The following USP46 variants were observed in gnomAD, a reference collection of about 807,000 sequenced individuals.
USP46 encodes ubiquitin specific peptidase 46, also known as ubiquitin carboxyl-terminal hydrolase 46.
Under a neutral mutation model 44.4 loss-of-function variants are expected in USP46, and 12 were observed. The observed-to-expected ratio is 0.27, with a 90% confidence interval of 0.17 to 0.44. USP46 has a LOEUF of 0.44. Ranked by LOEUF, USP46 falls within the 20% of genes least tolerant of loss-of-function variation. The probability of loss-of-function intolerance (pLI) is 1.00; values close to 1 mark genes in which losing one functional copy is unlikely to be tolerated. For synonymous variants in USP46, 155 were observed against 161.5 expected (o/e 0.96, Z 0.31); for missense variants, 248 against 444.8 (o/e 0.56, Z 3.98).
intron 1 of USP46, chr4:52,656,314 T>C (rs1479830761): frequency 6.4e-7 from 1 of 1,551,246 alleles, no homozygotes; most frequent in Non-Finnish European, 8.7e-7. Flanking sequence ...AATTCATTAT[T>C]GAGCAAAGAA....
In USP46 at chr4:52,597,598, T is replaced by C; in HGVS notation, c.*42A>G. On this transcript the variant is annotated 3_prime_UTR_variant, in exon 9 of 9. Transcript: ENST00000441222. Reference sequence around the variant, plus strand: ...GCGGAGAAGCCGGGTGACAGTGCTGTGAACATTCTCCCCACGTGAATCAGT... The same window carrying C: ...GCGGAGAAGCCGGGTGACAGTGCTGCGAACATTCTCCCCACGTGAATCAGT... The C allele has an allele frequency of 7.1e-7, 1 of 1,407,546 alleles. No individual in the cohort carries two copies. Among genetic ancestry groups the C allele is most frequent in the Non-Finnish European group, 9.8e-7 (1 of 1,017,404 alleles). The allele number at this position is 1,407,546 out of a possible 1,614,324, so 87.2% of individuals were successfully genotyped here. A position where few individuals can be genotyped will look rare whatever the true frequency, so the allele number is the denominator to read the frequency against.
chr4:52,633,854 G>A (rs1166116208), intron 1 of USP46, among the ~76,000 whole-genome samples: 3 of 152,196 alleles, frequency 2.0e-5, no homozygotes, highest in African/African-American at 2.4e-5. Flanking sequence ...GGCCCACTCA[G>A]GCAGGAGGCT....
chr4:52,609,530 C>T (rs941178228), intron 5 of USP46, among the ~76,000 whole-genome samples: 6 of 152,168 alleles, frequency 3.9e-5, no homozygotes, highest in African/African-American at 1.4e-4. Flanking sequence ...CATCTTTCTC[C>T]TGCACGTCCT....
At chr4:52,647,556 G>A (rs1718592442) in intron 1 of USP46, among the ~76,000 whole-genome samples, 1 of 152,198 alleles carries the variant, frequency 6.6e-6, no homozygotes, top group Non-Finnish European at 1.5e-5. Context: ...CTCATTCAAA[G>A]ACAACATATC....
In USP46 at chr4:52,659,213, T is replaced by C; in HGVS notation, c.-63A>G. On this transcript the variant is annotated 5_prime_UTR_variant, in exon 1 of 9. An upstream start codon of the reference 5' UTR is lost. Coordinates refer to ENST00000441222, the MANE Select transcript of USP46 (RefSeq NM_022832.4). This position sits in a 1 kb window ranked among gnomAD's most constrained non-coding sequence, Gnocchi z 4.2. ...TACAAGGGGAAACCGGGACTGCCCA[T>C]GGTGGCGCGCTGGCGGGGAGGCCGG... The C allele has an allele frequency of 2.8e-6, 4 of 1,419,560 alleles. No homozygotes were observed. The highest frequency in any genetic ancestry group is 2.8e-6 in the Non-Finnish European group (3 of 1,072,714). The allele number at this position is 1,419,560 out of a possible 1,614,324, so 87.9% of individuals were successfully genotyped here.
rs180957019 is a variant in USP46, at chr4:52,627,307, G to A, written c.331+643C>T. On this transcript the variant is annotated intron_variant, in intron 3 of 8. Coordinates refer to ENST00000441222, the MANE Select transcript of USP46 (RefSeq NM_022832.4). ...CATGCACGTCTGATGAAGTAAGGCTGAATCTAAGATAAATAGTAATTGCCA... is the reference window on the plus strand; with the variant it reads ...CATGCACGTCTGATGAAGTAAGGCTAAATCTAAGATAAATAGTAATTGCCA... Among the ~76,000 whole-genome samples the A allele has an allele frequency of 1.4e-3, 208 of 152,278 alleles. 5 individuals carry two copies. The East Asian group carries it at 0.038, about 28-fold the overall frequency.
chr4:52,637,242 T>C (rs75021976), intron 1 of USP46, among the ~76,000 whole-genome samples: 6,766 of 152,228 alleles, frequency 0.044, 203 homozygotes, highest in Non-Finnish European at 0.068. Flanking sequence ...CACTTTTAGG[T>C]GGCTGGCTTT....
At chr4:52,636,352 G>A (rs141366995) in intron 1 of USP46, among the ~76,000 whole-genome samples, 13 of 152,094 alleles carry the variant, frequency 8.5e-5, no homozygotes, top group African/African-American at 2.9e-4. Context: ...ATTTTAGCCC[G>A]GTGAGACCCA....
At chr4:52,623,092 GCCAA>G (rs1404280762) in intron 4 of USP46, among the ~76,000 whole-genome samples, 1 of 152,156 alleles carries the variant, frequency 6.6e-6, no homozygotes, top group Non-Finnish European at 1.5e-5. Flanking sequence ...GAGACTGCCA[GCCAA>G]GAGTTGATGG....
chr4:52,604,975 T>TA (rs1716630794), intron 5 of USP46, among the ~76,000 whole-genome samples: 3 of 152,176 alleles, frequency 2.0e-5, no homozygotes, highest in Non-Finnish European at 4.4e-5. Context: ...TACTGTTGAG[T>TA]AAAAGTTCAC....
chr4:52,617,255 A>C (rs1717189899), intron 4 of USP46, among the ~76,000 whole-genome samples: 1 of 152,202 alleles, frequency 6.6e-6, no homozygotes, highest in Non-Finnish European at 1.5e-5. Context: ...AATTAGCAGA[A>C]CTTTTTTCTT....
In USP46 at chr4:52,598,702, G is replaced by T; in HGVS notation, c.925C>A (p.Pro309Thr). 1 of 1,606,062 alleles carries T rather than the reference G, an allele frequency of 6.2e-7. No homozygotes were observed. Among genetic ancestry groups the T allele is most frequent in the Non-Finnish European group, 8.5e-7 (1 of 1,176,262 alleles). The change falls in exon 8 of 9, where the codon CCT (proline) becomes ACT (threonine). Residue 309 changes from proline to threonine, a missense_variant. Coordinates refer to ENST00000441222, the MANE Select transcript of USP46 (RefSeq NM_022832.4). ...VAVVVHCGSG[P>T]NRGHYITIVK... ...ATAGTGATATAATGCCCACGATTAGGACCACTGGAAAAGAACAAATAAAAG... is the reference window on the plus strand; with the variant it reads ...ATAGTGATATAATGCCCACGATTAGTACCACTGGAAAAGAACAAATAAAAG...
At chr4:52,617,429 G>A (rs1004119527) in intron 4 of USP46, among the ~76,000 whole-genome samples, 1 of 152,152 alleles carries the variant, frequency 6.6e-6, no homozygotes, top group African/African-American at 2.4e-5. Context: ...GAACTTAATG[G>A]TTTTGGAGAG....
chr4:52,625,511 A>G (rs1717546152), intron 4 of USP46, among the ~76,000 whole-genome samples: 1 of 152,160 alleles, frequency 6.6e-6, no homozygotes, highest in Admixed American at 6.6e-5. Context: ...CATGTGTCAG[A>G]CCCATCCAAA....
At chr4:52,639,601 A>C (rs565374935) in intron 1 of USP46, among the ~76,000 whole-genome samples, 1 of 152,330 alleles carries the variant, frequency 6.6e-6, no homozygotes, top group East Asian at 1.9e-4. Context: ...GCTAGAATCT[A>C]ATCTAGTCAT....
intron 5 of USP46, among the ~76,000 whole-genome samples, chr4:52,609,257 G>C (rs1716822136): frequency 6.6e-6 from 1 of 152,180 alleles, no homozygotes; most frequent in Non-Finnish European, 1.5e-5. Flanking sequence ...GAAGAAGGTG[G>C]CAGAGATCTT....
chr4:52,631,595 T>C (rs191360975), intron 1 of USP46, among the ~76,000 whole-genome samples: 8 of 152,342 alleles, frequency 5.3e-5, no homozygotes, highest in Non-Finnish European at 8.8e-5. Flanking sequence ...TCTCTAGGTC[T>C]GGGCATGGAT....
intron 1 of USP46, among the ~76,000 whole-genome samples, chr4:52,656,763 G>T (rs80293421): frequency 6.6e-6 from 1 of 151,768 alleles, no homozygotes; most frequent in Non-Finnish European, 1.5e-5. Context: ...AGGACCTGCC[G>T]GGTATGGTGG....
intron 4 of USP46, among the ~76,000 whole-genome samples, chr4:52,625,482 A>G (rs1041015473): frequency 6.6e-6 from 1 of 152,184 alleles, no homozygotes; most frequent in Non-Finnish European, 1.5e-5. Context: ...TTCAAATTCA[A>G]TTAACATTAT....
Sources: allele counts gnomAD v4.1 joint callset (sites outside exome capture counted in the v4.1 genomes callset), GRCh38; gene constraint gnomAD v4.1.1; non-coding constraint Gnocchi (gnomAD v3.1); transcripts MANE v1.5; gene names NCBI Gene and HGNC (gene_info 2026-07-23, HGNC 2026-07-21).